Variants in SPMIP4 observed in about 807,000 individuals in gnomAD.
SPMIP4 encodes the protein sperm microtubule inner protein 4, also known as sperm-associated microtubule inner protein 4.
the SPMIP4 span, among the ~76,000 whole-genome samples, chr7:25,134,530 C>A: frequency 4.4e-4 from 67 of 152,290 alleles, no homozygotes; most frequent in Non-Finnish European, 1.5e-5. Context: ...ATGACTATGA[C>A]AATGCCTAAA....
the SPMIP4 span, chr7:25,134,570 T>C: frequency 1.8e-6 from 1 of 567,470 alleles, no homozygotes; most frequent in South Asian, 7.7e-5. Flanking sequence ...TGCATGGAGG[T>C]AGGCAGAGTG....
At chr7:25,178,430 A>G in the SPMIP4 span, among the ~76,000 whole-genome samples, 1 of 152,208 alleles carries the variant, frequency 6.6e-6, no homozygotes, top group Non-Finnish European at 1.5e-5. Flanking sequence ...TTAAATCATA[A>G]TGTATAATTA....
chr7:25,141,722 C>A, the SPMIP4 span, among the ~76,000 whole-genome samples: 11 of 146,492 alleles, frequency 7.5e-5, no homozygotes, highest in Admixed American at 4.1e-4. Context: ...AAAAAAAAAA[C>A]CACTCTGAAG....
the SPMIP4 span, among the ~76,000 whole-genome samples, chr7:25,166,230 C>CTTTTT: frequency 0.015 from 1,005 of 69,140 alleles, 30 homozygotes; most frequent in African/African-American, 0.026. Context: ...TTCTTTCCGT[C>CTTTTT]TTCTTTTTTT....
At chr7:25,162,885 C>T in the SPMIP4 span, among the ~76,000 whole-genome samples, 1 of 152,146 alleles carries the variant, frequency 6.6e-6, no homozygotes. Context: ...GATTCTCCCG[C>T]CTCAGCCTCC....
chr7:25,168,199 G>A, the SPMIP4 span: 2 of 1,107,972 alleles, frequency 1.8e-6, no homozygotes, highest in Non-Finnish European at 2.6e-6. Context: ...TAAGTTTGAA[G>A]ACAGATTTAA....
At chr7:25,151,254 C>A in the SPMIP4 span, among the ~76,000 whole-genome samples, 1 of 146,326 alleles carries the variant, frequency 6.8e-6, no homozygotes. Context: ...ACAGAGTTCA[C>A]TCTGTTGCTC....
the SPMIP4 span, among the ~76,000 whole-genome samples, chr7:25,130,923 C>T: frequency 1.3e-5 from 2 of 152,238 alleles, no homozygotes; most frequent in South Asian, 4.1e-4. Flanking sequence ...ACACTGGGAG[C>T]AACACACATC....
the SPMIP4 span, among the ~76,000 whole-genome samples, chr7:25,166,684 C>A: frequency 1.3e-5 from 2 of 151,622 alleles, no homozygotes; most frequent in East Asian, 2.0e-4. Context: ...GTCGGGAGTT[C>A]GAGACCTGCC....
At chr7:25,170,302 T>C in the SPMIP4 span, among the ~76,000 whole-genome samples, 1 of 152,202 alleles carries the variant, frequency 6.6e-6, no homozygotes, top group African/African-American at 2.4e-5. Flanking sequence ...ACTAATGATG[T>C]TGAGCATTTT....
the SPMIP4 span, chr7:25,134,902 AACTTTT>A: frequency 1.0e-6 from 1 of 985,308 alleles, no homozygotes; most frequent in East Asian, 1.1e-4. Context: ...TCACCATGTA[AACTTTT>A]ACTTCCTGTC....
chr7:25,179,138 G>T, the SPMIP4 span: 1 of 1,571,814 alleles, frequency 6.4e-7, no homozygotes, highest in Non-Finnish European at 8.7e-7. Flanking sequence ...CATTAAAACT[G>T]CTTTTTCTTG....
the SPMIP4 span, among the ~76,000 whole-genome samples, chr7:25,171,661 C>T: frequency 6.6e-6 from 1 of 152,272 alleles, no homozygotes; most frequent in African/African-American, 2.4e-5. Flanking sequence ...TAAATAGGAA[C>T]CCAGTGAAGT....
the SPMIP4 span, chr7:25,161,333 C>A: frequency 2.7e-6 from 2 of 752,090 alleles, no homozygotes. Flanking sequence ...TAGTAAAAGA[C>A]AAATAGATTA....
chr7:25,160,134 T>C, the SPMIP4 span, among the ~76,000 whole-genome samples: 6 of 151,938 alleles, frequency 3.9e-5, no homozygotes, highest in South Asian at 1.2e-3. Context: ...ACATCTGCTT[T>C]GCAAAAATCA....
At chr7:25,173,795 G>A in the SPMIP4 span, among the ~76,000 whole-genome samples, 3 of 152,144 alleles carry the variant, frequency 2.0e-5, no homozygotes, top group East Asian at 1.9e-4. This position sits in a 1 kb window ranked among gnomAD's most constrained non-coding sequence, Gnocchi z 4.4. Flanking sequence ...ATATTACATC[G>A]TCCCCAGAAG....
chr7:25,158,383 A>AG, the SPMIP4 span: 1 of 756,352 alleles, frequency 1.3e-6, no homozygotes, highest in Non-Finnish European at 2.1e-6. Context: ...AAAAAAAAAA[A>AG]AAAAAGAAAC....
At chr7:25,176,614 T>G in the SPMIP4 span, among the ~76,000 whole-genome samples, 1 of 152,376 alleles carries the variant, frequency 6.6e-6, no homozygotes, top group East Asian at 1.9e-4. This position sits in a 1 kb window ranked among gnomAD's most constrained non-coding sequence, Gnocchi z 4.4. Flanking sequence ...ATATGATCTT[T>G]ACATTTAAAA....
chr7:25,170,445 A>G, the SPMIP4 span, among the ~76,000 whole-genome samples: 3 of 152,226 alleles, frequency 2.0e-5, no homozygotes, highest in Non-Finnish European at 4.4e-5. Flanking sequence ...CTTGTCAGGG[A>G]TAATAGGCAG....
Sources: allele counts gnomAD v4.1 joint callset (sites outside exome capture counted in the v4.1 genomes callset), GRCh38; gene constraint gnomAD v4.1.1; non-coding constraint Gnocchi (gnomAD v3.1); transcripts MANE v1.5; gene names NCBI Gene and HGNC (gene_info 2026-07-23, HGNC 2026-07-21).